The following RYR2 variants were observed in gnomAD, a reference collection of about 807,000 sequenced individuals.
RYR2 encodes cardiac muscle ryanodine receptor-calcium release channel.
In RYR2, 227 loss-of-function variants were observed where a neutral mutation model predicts 601.1. The observed-to-expected ratio is 0.38, with a 90% CI of 0.34 to 0.42. The LOEUF (loss-of-function observed/expected upper bound fraction) is 0.42, where lower values mean the gene tolerates loss of function less well. Ranked by LOEUF, RYR2 falls within the 10% of genes least tolerant of loss-of-function variation. The pLI, the probability that RYR2 is intolerant of heterozygous loss-of-function variation, is 1.00. For synonymous variants in RYR2, 2,223 were observed against 2,175.1 expected (o/e 1.02, Z -0.61); for missense variants, 4,646 against 6,156.5 (o/e 0.75, Z 8.21).
chr1:237,764,818 A>G (rs1332734815), intron 84 of RYR2, among the ~76,000 whole-genome samples: 1 of 152,162 alleles, frequency 6.6e-6, no homozygotes, highest in Non-Finnish European at 1.5e-5. Context: ...TTTATTGTTA[A>G]GTTTCAAAAT....
At chr1:237,783,553 G>T in intron 89 of RYR2, 122 bp from the exon 90 acceptor site, 1 of 629,122 alleles carries the variant, frequency 1.6e-6, no homozygotes, top group East Asian at 2.8e-5. Flanking sequence ...TTTTTATAGA[G>T]TGAGAGATAA....
chr1:237,827,933 T>G (rs1226663111), intron 101 of RYR2, among the ~76,000 whole-genome samples: 5 of 74,400 alleles, frequency 6.7e-5, no homozygotes, highest in African/African-American at 2.5e-4. Flanking sequence ...TGAGACTCCG[T>G]CTCAAAAAAA....
At chr1:237,389,968 G>A (rs1702245126) in intron 10 of RYR2, among the ~76,000 whole-genome samples, 1 of 152,142 alleles carries the variant, frequency 6.6e-6, no homozygotes. Flanking sequence ...TAAAGACCTG[G>A]AATAGCCTAA....
Position 237,364,350 on chromosome 1 carries a change from C to T in RYR2, c.295-8C>T, listed in dbSNP as rs764545272. 1.0e-5 allele frequency: 16 copies of T among 1,574,102 alleles called. No individual in the cohort carries two copies. The highest frequency in any genetic ancestry group is 1.4e-5 in the Non-Finnish European group (16 of 1,155,894). On this transcript the variant is annotated splice_region_variant and splice_polypyrimidine_tract_variant and intron_variant, in intron 4 of 104. Transcript: ENST00000366574. ...AATGTTTCCTCTCTTTTCCTTATGCCCCTACAGAAATTCATGATGAAGGTA... is the reference window on the plus strand; with the variant it reads ...AATGTTTCCTCTCTTTTCCTTATGCTCCTACAGAAATTCATGATGAAGGTA...
intron 13 of RYR2, among the ~76,000 whole-genome samples, chr1:237,442,615 G>A (rs1164200420): frequency 6.6e-6 from 1 of 152,060 alleles, no homozygotes; most frequent in Non-Finnish European, 1.5e-5. Flanking sequence ...CAAAATTCAT[G>A]CACTTATTTA....
intron 25 of RYR2, among the ~76,000 whole-genome samples, chr1:237,538,420 A>G (rs1394312027): frequency 6.8e-6 from 1 of 147,510 alleles, no homozygotes; most frequent in Non-Finnish European, 1.5e-5. Flanking sequence ...AAAAAAAAAA[A>G]AAAAAAAGGG....
At chr1:237,303,860 G>A (rs1693614518) in intron 2 of RYR2, among the ~76,000 whole-genome samples, 1 of 152,074 alleles carries the variant, frequency 6.6e-6, no homozygotes, top group African/African-American at 2.4e-5. Flanking sequence ...GATTCATGAG[G>A]CCAAATCCAA....
At position 237,680,506 on chromosome 1, in the gene RYR2, C is replaced by T; in HGVS notation, c.8946C>T (p.Phe2982=). The T allele has an allele frequency of 6.2e-7, 1 of 1,604,982 alleles. No homozygotes were observed. The highest frequency in any genetic ancestry group is 8.5e-7 in the Non-Finnish European group (1 of 1,172,602). Reference sequence around the variant, plus strand: ...ATTTCAAAAACCATCGTTTATACTTCTTATCTGCAGCAAGCAGACCTCTCT... The same window carrying T: ...ATTTCAAAAACCATCGTTTATACTTTTTATCTGCAGCAAGCAGACCTCTCT... ...DQYFKNHRLY[F]LSAASRPLCS... Residue 2982 remains phenylalanine (F), a synonymous_variant, in exon 62 of 105, where the codon TTC becomes TTT. Coordinates refer to ENST00000366574, the MANE Select transcript of RYR2 (RefSeq NM_001035.3).
At position 237,506,374 on chromosome 1, in the gene RYR2, A is replaced by G. The variant is rs371360708; in HGVS notation, c.2614-336A>G. ...AACACGGTGAAACCCCGTCTCTACT[A>G]AAAATACAAAAAAATTAGCCGGGCG... is the stretch of plus-strand genomic sequence containing the variant. On this transcript the variant is annotated intron_variant, in intron 22 of 104. Transcript: ENST00000366574. Among the ~76,000 whole-genome samples the G allele has an allele frequency of 9.9e-3, 1,503 of 152,106 alleles. 28 individuals carry two copies. The highest frequency in any genetic ancestry group is 0.032 in the African/African-American group (1,340 of 41,474).
At chr1:237,608,006 G>T (rs1573084111) in intron 35 of RYR2, among the ~76,000 whole-genome samples, 1 of 152,166 alleles carries the variant, frequency 6.6e-6, no homozygotes, top group South Asian at 2.1e-4. Flanking sequence ...ACATACGTAT[G>T]CATACCTATA....
At position 237,487,556 on chromosome 1, in the gene RYR2, C is replaced by CAAAA. The variant is rs770034115; in HGVS notation, c.1709-4233_1709-4230dup. On this transcript the variant is annotated intron_variant, in intron 17 of 104. Transcript: ENST00000366574. ...CATAATGAGACCACCCCCGTCTCTA[C>CAAAA]AAAAAAAAAAAAAAAAAAAAGCTCA... is the stretch of plus-strand genomic sequence containing the variant. Among the ~76,000 whole-genome samples, 188 of 40,602 alleles carry CAAAA rather than the reference C, an allele frequency of 4.6e-3. 1 individual carries two copies. The East Asian group carries it at 0.08, about 17-fold the overall frequency. The allele number at this position is 40,602 out of a possible 152,430, so 26.6% of individuals were successfully genotyped here.
At chr1:237,570,500 A>G (rs1056797260) in intron 29 of RYR2, among the ~76,000 whole-genome samples, 55 of 151,772 alleles carry the variant, frequency 3.6e-4, no homozygotes, top group African/African-American at 1.3e-3. Context: ...CACCATGCCC[A>G]GCTAATTTTT....
chr1:237,262,249 T>G (rs911376509), intron 1 of RYR2, among the ~76,000 whole-genome samples: 2 of 101,976 alleles, frequency 2.0e-5, no homozygotes, highest in African/African-American at 5.6e-5. Flanking sequence ...TAAAGAGTTT[T>G]TTTTTTTTTT....
chr1:237,043,550 C>CTGGG (rs1487793659), intron 1 of RYR2, among the ~76,000 whole-genome samples: 1 of 152,182 alleles, frequency 6.6e-6, no homozygotes, highest in African/African-American at 2.4e-5. Context: ...CACCTCCAAG[C>CTGGG]TGGGACTGGA....
intron 2 of RYR2, among the ~76,000 whole-genome samples, chr1:237,320,965 G>GT (rs11443660): frequency 0.98 from 144,196 of 146,652 alleles, 70,898 homozygotes; most frequent in East Asian, 1. Context: ...TCACATTTAG[G>GT]TTTTTTTTTT....
At chr1:237,490,029 A>ATGGAT (rs1317433800) in intron 17 of RYR2, among the ~76,000 whole-genome samples, 1 of 152,236 alleles carries the variant, frequency 6.6e-6, no homozygotes, top group Admixed American at 6.5e-5. Context: ...TGTCCTTTAC[A>ATGGAT]GCAACATGGA....
intron 47 of RYR2, 127 bp downstream of exon 47, chr1:237,641,129 G>A: frequency 1.8e-6 from 1 of 561,764 alleles, no homozygotes; most frequent in Non-Finnish European, 3.0e-6. Flanking sequence ...AATAGCTGCA[G>A]TCTAATCACT....
intron 16 of RYR2, among the ~76,000 whole-genome samples, chr1:237,459,268 G>T (rs1382583): frequency 0.48 from 73,614 of 152,036 alleles, 18,930 homozygotes; most frequent in East Asian, 0.65. Flanking sequence ...CTGGACAGCA[G>T]AGGAAAACCC....
At chr1:237,821,784 G>A (rs1662532195) in intron 101 of RYR2, among the ~76,000 whole-genome samples, 1 of 151,952 alleles carries the variant, frequency 6.6e-6, no homozygotes, top group African/African-American at 2.4e-5. Flanking sequence ...TTGAAAAAAA[G>A]TTAGATGAAT....
Sources: gnomAD v4.1 joint callset for allele counts (sites outside exome capture counted in the v4.1 genomes callset) on GRCh38, gnomAD v4.1.1 for gene constraint, MANE v1.5 for transcripts, NCBI Gene and HGNC (gene_info 2026-07-23, HGNC 2026-07-21) for gene names.